The following USP9X variants were observed in gnomAD, a reference collection of about 807,000 sequenced individuals.
USP9X encodes ubiquitin carboxyl-terminal hydrolase 9X.
USP9X carries 7 observed loss-of-function variants against 190.3 expected under a neutral mutation model. The ratio of observed to expected loss-of-function variants is 0.04; its 90% confidence interval spans 0.02 to 0.07. The LOEUF (loss-of-function observed/expected upper bound fraction) is 0.07. Ranked by LOEUF, USP9X falls within the 10% of genes least tolerant of loss-of-function variation. The pLI, the probability that USP9X is intolerant of heterozygous loss-of-function variation, is 1.00. For synonymous variants in USP9X, 645 were observed against 659.5 expected (o/e 0.98, Z 0.34); for missense variants, 1,010 against 1,916.9 (o/e 0.53, Z 8.83).
intron 29 of USP9X, 31 bp downstream of exon 29, chrX:41,197,541 A>C (rs1475966106): frequency 8.6e-7 from 1 of 1,164,141 alleles, no homozygotes; most frequent in Non-Finnish European, 1.2e-6. Context: ...TGTAAGCTAC[A>C]TATCATAACC....
intron 26 of USP9X, among the ~76,000 whole-genome samples, chrX:41,190,997 G>A (rs557583981): frequency 7.1e-4 from 79 of 111,274 alleles, no homozygotes; most frequent in Middle Eastern, 9.3e-3. Flanking sequence ...CAGCAAGTCC[G>A]ACTTGGACAT....
chrX:41,212,425 C>T (rs1237671511), intron 33 of USP9X, among the ~76,000 whole-genome samples: 1 of 100,311 alleles, frequency 1.0e-5, no homozygotes, highest in Non-Finnish European at 2.0e-5. Flanking sequence ...CCTGCCAAAT[C>T]CCCCTCTGCA....
At chrX:41,166,289 A>G in intron 16 of USP9X, 75 bp downstream of exon 16, 1 of 787,040 alleles carries the variant, frequency 1.3e-6, no homozygotes, top group Non-Finnish European at 1.8e-6. Flanking sequence ...GTAATTTTGC[A>G]TATAAATTGT....
intron 30 of USP9X, among the ~76,000 whole-genome samples, chrX:41,199,014 T>A (rs1395479209): frequency 1.8e-5 from 2 of 110,505 alleles, no homozygotes; most frequent in African/African-American, 6.6e-5. Flanking sequence ...TGAAACCCTG[T>A]CTCTACAAAA....
chrX:41,184,356 C>G (rs1189083728), intron 22 of USP9X, 41 bp from the exon 23 acceptor site: 3 of 1,160,738 alleles, frequency 2.6e-6, no homozygotes, highest in African/African-American at 3.7e-5. Flanking sequence ...TTTTTTAAAT[C>G]TTTTAATACA....
intron 1 of USP9X, among the ~76,000 whole-genome samples, chrX:41,107,262 A>C (rs189885101): frequency 4.0e-4 from 45 of 111,572 alleles, no homozygotes; most frequent in African/African-American, 1.2e-3. Flanking sequence ...CAGGTGAGCC[A>C]CCTGCCTTGG....
chrX:41,200,595 G>A (rs759966350), intron 30 of USP9X, among the ~76,000 whole-genome samples: 1 of 112,237 alleles, frequency 8.9e-6, no homozygotes, highest in Admixed American at 9.5e-5. Flanking sequence ...AAAGTGGTAA[G>A]CATCAGAACC....
At chrX:41,141,625 T>A (rs1455881675) in intron 9 of USP9X, among the ~76,000 whole-genome samples, 194 bp downstream of exon 9, 1 of 111,939 alleles carries the variant, frequency 8.9e-6, no homozygotes, top group Non-Finnish European at 1.9e-5. Flanking sequence ...GGTAGTGATA[T>A]GGGTAGCTTT....
At chrX:41,210,420 T>A (rs1331754776) in intron 32 of USP9X, 89 bp from the exon 33 acceptor site, 52 of 977,771 alleles carry the variant, frequency 5.3e-5, no homozygotes, top group Non-Finnish European at 7.0e-5. Flanking sequence ...TTTGTGGTCT[T>A]GTTGCTTTTT....
chrX:41,229,096 A>C (rs1018583409), intron 41 of USP9X, 157 bp from the exon 42 acceptor site: 223 of 384,736 alleles, frequency 5.8e-4, no homozygotes, highest in African/African-American at 5.4e-3. Context: ...CTCAAAAAAA[A>C]TAAATAAATA....
chrX:41,142,316 A>C (rs1307408523), intron 9 of USP9X, among the ~76,000 whole-genome samples: 1 of 111,447 alleles, frequency 9.0e-6, no homozygotes, highest in Non-Finnish European at 1.9e-5. Context: ...CTTTCATTGC[A>C]GTTTGACATT....
chrX:41,211,185 C>A (rs1347564032), intron 33 of USP9X, among the ~76,000 whole-genome samples: 1 of 111,729 alleles, frequency 9.0e-6, no homozygotes, highest in East Asian at 2.8e-4. Flanking sequence ...GAGATCGAAT[C>A]TCTTGTTGCC....
In USP9X at chrX:41,197,352, C is replaced by CCCCCCCCG; in HGVS notation, c.4234-12_4234-11insCCCCCCCG. On this transcript the variant is annotated splice_polypyrimidine_tract_variant and intron_variant, in intron 28 of 44. Coordinates refer to ENST00000378308, the MANE Select transcript of USP9X (RefSeq NM_001039591.3). Reference sequence around the variant, plus strand: ...TTCTTCCCCCCCCCACCCCACCCCCCGCCTTTGGCAGGATGATGTTAAAAG... The same window carrying CCCCCCCCG: ...TTCTTCCCCCCCCCACCCCACCCCCCCCCCCCCGGCCTTTGGCAGGATGATGTTAAAAG... The CCCCCCCCG allele has an allele frequency of 1.0e-6, 1 of 988,217 alleles. No individual in the cohort carries two copies. Among genetic ancestry groups the CCCCCCCCG allele is most frequent in the Non-Finnish European group, 1.3e-6 (1 of 759,386 alleles). 81.4% of individuals were successfully genotyped at this position (988,217 alleles called of 1,213,427 possible).
Position 41,229,241 on chromosome X carries a change from G to A in USP9X, c.7062-12G>A. 8.6e-7 allele frequency: 1 copy of A among 1,161,179 alleles called. No individual in the cohort carries two copies. Among genetic ancestry groups the A allele is most frequent in the Admixed American group, 2.7e-5 (1 of 37,248 alleles). On this transcript the variant is annotated splice_polypyrimidine_tract_variant and intron_variant, in intron 41 of 44. Transcript: ENST00000378308. Reference sequence around the variant, plus strand: ...TTTAGATGTTTTTATTTTATATCTGGTTCTCTTTCAGAATTCATAATGCAC... The same window carrying A: ...TTTAGATGTTTTTATTTTATATCTGATTCTCTTTCAGAATTCATAATGCAC...
intron 24 of USP9X, among the ~76,000 whole-genome samples, chrX:41,187,227 C>G (rs1318061097): frequency 1.8e-5 from 2 of 112,378 alleles, no homozygotes; most frequent in African/African-American, 6.5e-5. Flanking sequence ...GCAGTTTATT[C>G]TTTCCCCAGG....
intron 1 of USP9X, among the ~76,000 whole-genome samples, chrX:41,119,136 C>G (rs2062172043): frequency 1.8e-5 from 2 of 111,776 alleles, no homozygotes; most frequent in Admixed American, 9.5e-5. Flanking sequence ...CCCTACGTCT[C>G]GATTAAGACC....
intron 1 of USP9X, among the ~76,000 whole-genome samples, chrX:41,116,532 G>A (rs2062148636): frequency 8.9e-6 from 1 of 111,855 alleles, no homozygotes; most frequent in Admixed American, 9.5e-5. Context: ...TATTGAATAG[G>A]ATTTATTAAG....
chrX:41,212,799 G>A (rs973557538), intron 33 of USP9X, among the ~76,000 whole-genome samples: 2 of 111,559 alleles, frequency 1.8e-5, no homozygotes, highest in Admixed American at 9.5e-5. Flanking sequence ...ATGATTGGGT[G>A]AGAGGTAATA....
chrX:41,201,864 G>A lies in USP9X; in HGVS notation c.4824+584G>A, dbSNP rs767810622. 8.1e-5 allele frequency among the ~76,000 whole-genome samples: 9 copies of A among 110,619 alleles called. 1 individual carries two copies. The highest frequency in any genetic ancestry group is 1.7e-4 in the Non-Finnish European group (9 of 52,731). Reference sequence around the variant, plus strand: ...CACATGCCTGTAGTCCTAGCTACTCGGAAGGCTGAGGCAGGAGAATCACTT... The same window carrying A: ...CACATGCCTGTAGTCCTAGCTACTCAGAAGGCTGAGGCAGGAGAATCACTT... On this transcript the variant is annotated intron_variant, in intron 31 of 44. Coordinates refer to ENST00000378308, the MANE Select transcript of USP9X (RefSeq NM_001039591.3).
Sources: gnomAD v4.1 joint callset for allele counts (sites outside exome capture counted in the v4.1 genomes callset) on GRCh38, gnomAD v4.1.1 for gene constraint, MANE v1.5 for transcripts, NCBI Gene and HGNC (gene_info 2026-07-23, HGNC 2026-07-21) for gene names.